The following YEATS4 variants were observed in gnomAD, a reference collection of about 807,000 sequenced individuals.
The protein encoded by YEATS4 is YEATS domain-containing protein 4.
A neutral mutation model predicts 30.1 loss-of-function variants in YEATS4; 17 were observed. The ratio of observed to expected loss-of-function variants is 0.56; its 90% confidence interval spans 0.39 to 0.85. The LOEUF (loss-of-function observed/expected upper bound fraction) is 0.85. YEATS4 is among the 40% of genes least tolerant of loss of function. The pLI is 0.00. For missense variants in YEATS4, 142 were observed against 268.3 expected, an observed-to-expected ratio of 0.53 and a Z score of 3.29; for synonymous variants, 85 against 87.5, an observed-to-expected ratio of 0.97 and a Z score of 0.16.
the YEATS4 span, among the ~76,000 whole-genome samples, chr12:69,406,899 C>T: frequency 6.6e-6 from 1 of 152,040 alleles, no homozygotes. Context: ...ACTGCAGCCT[C>T]GACTTCCCAG....
At chr12:69,418,538 A>G in the YEATS4 span, among the ~76,000 whole-genome samples, 1 of 152,216 alleles carries the variant, frequency 6.6e-6, no homozygotes, top group Non-Finnish European at 1.5e-5. Context: ...GTCTGTGATA[A>G]ACAAATGCTC....
chr12:69,366,817 C>T (rs990900006), intron 4 of YEATS4, among the ~76,000 whole-genome samples: 7 of 152,174 alleles, frequency 4.6e-5, no homozygotes, highest in African/African-American at 1.7e-4. Flanking sequence ...ATCACCTGGA[C>T]CAGTATTTCA....
At chr12:69,368,923 A>C (rs1489675903) in intron 4 of YEATS4, among the ~76,000 whole-genome samples, 1 of 152,176 alleles carries the variant, frequency 6.6e-6, no homozygotes, top group Non-Finnish European at 1.5e-5. Context: ...ATAATGTCAC[A>C]TCCACAGGTG....
chr12:69,423,604 G>T, the YEATS4 span, among the ~76,000 whole-genome samples: 1 of 152,184 alleles, frequency 6.6e-6, no homozygotes, highest in Admixed American at 6.5e-5. Context: ...AGATTAGGAG[G>T]GGGTGAAGTT....
chr12:69,377,258 C>T (rs1179480776), intron 6 of YEATS4, among the ~76,000 whole-genome samples: 5 of 152,036 alleles, frequency 3.3e-5, no homozygotes, highest in African/African-American at 9.7e-5. Context: ...TACAATACAT[C>T]GTTAGATATT....
chr12:69,412,760 G>A, the YEATS4 span, among the ~76,000 whole-genome samples: 1 of 152,330 alleles, frequency 6.6e-6, no homozygotes, highest in South Asian at 2.1e-4. Context: ...CAAGATTCGA[G>A]TGCATAGGCT....
chr12:69,387,460 A>G (rs1361906678), intron 6 of YEATS4, among the ~76,000 whole-genome samples: 1 of 152,242 alleles, frequency 6.6e-6, no homozygotes, highest in Non-Finnish European at 1.5e-5. Context: ...TCCTACAAAT[A>G]TACTAAAATG....
intron 4 of YEATS4, among the ~76,000 whole-genome samples, chr12:69,368,619 A>G (rs911136296): frequency 1.3e-5 from 2 of 152,188 alleles, no homozygotes; most frequent in African/African-American, 2.4e-5. Context: ...AACTGGGTGG[A>G]TTAAAACAAC....
At chr12:69,420,469 A>G in the YEATS4 span, among the ~76,000 whole-genome samples, 9 of 152,304 alleles carry the variant, frequency 5.9e-5, no homozygotes, top group Non-Finnish European at 1.3e-4. Flanking sequence ...GTAAGGTGCT[A>G]GAAACACAAC....
At chr12:69,367,161 G>T (rs983647289) in intron 4 of YEATS4, among the ~76,000 whole-genome samples, 2 of 152,216 alleles carry the variant, frequency 1.3e-5, no homozygotes, top group Admixed American at 6.5e-5. Context: ...GGTTGGGGTA[G>T]TTTTAGTTTT....
chr12:69,381,325 G>A lies in YEATS4; in HGVS notation c.515-8822G>A, dbSNP rs144734263. 4.2e-3 allele frequency among the ~76,000 whole-genome samples: 641 copies of A among 152,322 alleles called. 2 individuals are homozygous for A. Among genetic ancestry groups the A allele is most frequent in the African/African-American group, 0.015 (609 of 41,564 alleles). On this transcript the variant is annotated intron_variant, in intron 6 of 6. Coordinates refer to ENST00000247843, the MANE Select transcript of YEATS4 (RefSeq NM_006530.4). ...TTGCTTTTGAAAGAAGAGAAATATGGCTCTGTTCTGCCTGGCTCACCGGCA... is the reference window on the plus strand; with the variant it reads ...TTGCTTTTGAAAGAAGAGAAATATGACTCTGTTCTGCCTGGCTCACCGGCA...
In YEATS4 at chr12:69,375,089, G is replaced by A. The variant is rs1262266849; in HGVS notation, c.514+4114G>A. 4.7e-5 allele frequency among the ~76,000 whole-genome samples: 7 copies of A among 150,284 alleles called. No homozygotes were observed. The South Asian group carries it at 8.5e-4, about 18-fold the overall frequency. On this transcript the variant is annotated intron_variant, in intron 6 of 6. Transcript: ENST00000247843. ...GAGGGGGCGGCTGCCGGGCGGAGAC[G>A]CTCCTCACTTCCCTGACGGGGTGGC...
intron 6 of YEATS4, among the ~76,000 whole-genome samples, chr12:69,388,287 A>G (rs543596027): frequency 4.5e-4 from 68 of 152,286 alleles, no homozygotes; most frequent in African/African-American, 1.6e-3. Context: ...TTTATGTGCT[A>G]GATGCTTTAC....
the YEATS4 span, among the ~76,000 whole-genome samples, chr12:69,425,499 C>A: frequency 6.6e-6 from 1 of 152,170 alleles, no homozygotes; most frequent in Non-Finnish European, 1.5e-5. Context: ...GAGTGACTAC[C>A]TCAGGCATGG....
the YEATS4 span, among the ~76,000 whole-genome samples, chr12:69,397,905 G>A: frequency 6.6e-6 from 1 of 152,064 alleles, no homozygotes; most frequent in Non-Finnish European, 1.5e-5. Context: ...ACCTGTATGT[G>A]GTAGTTTGTT....
chr12:69,379,979 A>G (rs1876012881), intron 6 of YEATS4, among the ~76,000 whole-genome samples: 1 of 152,184 alleles, frequency 6.6e-6, no homozygotes, highest in Non-Finnish European at 1.5e-5. Flanking sequence ...TTTATGTGAT[A>G]GGATTCTAAA....
the YEATS4 span, among the ~76,000 whole-genome samples, chr12:69,402,764 C>T: frequency 2.6e-5 from 3 of 117,638 alleles, no homozygotes; most frequent in Admixed American, 1.1e-4. Flanking sequence ...CTTGCTTTGT[C>T]ACCCAGGTTG....
Position 69,370,963 on chromosome 12 carries a change from C to T in YEATS4, c.502C>T (p.His168Tyr), listed in dbSNP as rs780916152. ...SRQLTLGAYK[H>Y]ETEFAELEVK... The stretch of plus-strand genomic sequence containing the variant: ...TCAGCTAACATTAGGAGCCTATAAG[C>T]ATGAAACAGAATGTAAGTGCCATGC... The change falls in exon 6 of 7, where the codon CAT becomes TAT. Residue 168 changes from histidine to tyrosine, a missense_variant. This residue lies in a region of YEATS4 where 53 missense variants were observed against 68.6 expected (regional missense o/e 0.77). Coordinates refer to ENST00000247843, the MANE Select transcript of YEATS4 (RefSeq NM_006530.4). 2 of 1,610,698 alleles carry T rather than the reference C, an allele frequency of 1.2e-6. No homozygotes were observed. Among genetic ancestry groups the T allele is most frequent in the South Asian group, 2.2e-5 (2 of 90,276 alleles).
chr12:69,363,568 T>C (rs974493759), intron 2 of YEATS4, among the ~76,000 whole-genome samples: 2 of 152,230 alleles, frequency 1.3e-5, no homozygotes, highest in African/African-American at 4.8e-5. Context: ...AGTAATAATG[T>C]GGTAATAAGA....
Sources: allele counts gnomAD v4.1 joint callset (sites outside exome capture counted in the v4.1 genomes callset), GRCh38; gene constraint gnomAD v4.1.1; regional missense constraint gnomAD v4.1.1; transcripts MANE v1.5; gene names NCBI Gene and HGNC (gene_info 2026-07-23, HGNC 2026-07-21).